Variants in GPR157 observed in about 807,000 individuals in gnomAD.
The protein encoded by GPR157 is G-protein coupled receptor 157.
In GPR157, 16 loss-of-function variants were observed where a neutral mutation model predicts 23.5. The observed-to-expected ratio is 0.68, with a 90% CI of 0.46 to 1.04. The LOEUF is 1.04. Ranked by LOEUF, GPR157 falls within the 50% of genes least tolerant of loss-of-function variation. GPR157 has a pLI of 0.00. For synonymous variants in GPR157, 200 were observed against 221.5 expected (o/e 0.90, Z 0.86); for missense variants, 440 against 460.7 (o/e 0.96, Z 0.41).
intron 1 of GPR157, among the ~76,000 whole-genome samples, chr1:9,114,404 G>A (rs142883001): frequency 8.6e-5 from 13 of 151,064 alleles, no homozygotes; most frequent in African/African-American, 2.9e-4. Context: ...GCTGTTCCTC[G>A]TTACTTTACA....
At chr1:9,123,304 T>A (rs1430886494) in intron 1 of GPR157, among the ~76,000 whole-genome samples, 1 of 51,294 alleles carries the variant, frequency 1.9e-5, no homozygotes, top group East Asian at 3.6e-4. Context: ...ATATATTTAA[T>A]TTAAATATAT....
intron 1 of GPR157, among the ~76,000 whole-genome samples, chr1:9,113,623 T>A (rs1286321225): frequency 1.3e-5 from 2 of 152,016 alleles, no homozygotes; most frequent in African/African-American, 4.8e-5. Flanking sequence ...CATGTCCTGT[T>A]GGAAGTCACA....
chr1:9,127,340 T>A (rs1638981872), intron 1 of GPR157, among the ~76,000 whole-genome samples: 1 of 152,022 alleles, frequency 6.6e-6, no homozygotes, highest in Non-Finnish European at 1.5e-5. Context: ...AAATACTGTA[T>A]TCAATATTTT....
rs887403347 is a variant in GPR157 at position 9,105,256 on chromosome 1, T to C, written c.792+230A>G. On this transcript the variant is annotated intron_variant, in intron 3 of 3. Transcript: ENST00000377411. This position sits in a 1 kb window ranked among gnomAD's most constrained non-coding sequence, Gnocchi z 4.8. ...CAGTCAACTCTCCTAGGGCTACTCC[T>C]AGGTCACTGGTGAGCACCTCACCAC... Among the ~76,000 whole-genome samples the C allele has an allele frequency of 6.6e-6, 1 of 152,078 alleles. No individual in the cohort carries two copies. The highest frequency in any genetic ancestry group is 1.5e-5 in the Non-Finnish European group (1 of 68,002).
chr1:9,128,759 T>G lies in GPR157; in HGVS notation c.269A>C (p.Asn90Thr). 1 of 1,612,718 alleles carries G rather than the reference T, an allele frequency of 6.2e-7. No homozygotes were observed. The highest frequency in any genetic ancestry group is 8.5e-7 in the Non-Finnish European group (1 of 1,179,466). The part of the protein sequence containing the change: ...VLQGALSTFA[N>T]TSSFFWTVAI... ...CACGGTCCAGAAGAAGGAGCTGGTGTTGGCGAAGGTGGACAGCGCGCCCTG... is the reference window on the plus strand; with the variant it reads ...CACGGTCCAGAAGAAGGAGCTGGTGGTGGCGAAGGTGGACAGCGCGCCCTG... The change falls in exon 1 of 4, where the codon AAC becomes ACC. Residue 90 changes from asparagine (N) to threonine (T), a missense_variant. Coordinates refer to ENST00000377411, the MANE Select transcript of GPR157 (RefSeq NM_024980.5). This position sits in a 1 kb window ranked among gnomAD's most constrained non-coding sequence, Gnocchi z 6.3.
chr1:9,121,093 G>A (rs535358787), intron 1 of GPR157, among the ~76,000 whole-genome samples: 86 of 152,340 alleles, frequency 5.6e-4, no homozygotes, highest in African/African-American at 1.6e-3. Flanking sequence ...AGCACTTTGG[G>A]AGGGCGAGGT....
chr1:9,115,825 G>A (rs529398457), intron 1 of GPR157, among the ~76,000 whole-genome samples: 307 of 150,450 alleles, frequency 2.0e-3, no homozygotes, highest in Non-Finnish European at 2.4e-3. Context: ...GGCCAAATCT[G>A]GCCCACAGTT....
At chr1:9,115,206 G>A (rs1334538389) in intron 1 of GPR157, among the ~76,000 whole-genome samples, 2 of 152,064 alleles carry the variant, frequency 1.3e-5, no homozygotes, top group African/African-American at 2.4e-5. Context: ...AAACATAGAC[G>A]TGTGCATGTG....
intron 1 of GPR157, among the ~76,000 whole-genome samples, chr1:9,114,894 C>G: frequency 7.0e-6 from 1 of 142,364 alleles, no homozygotes; most frequent in African/African-American, 2.7e-5. Flanking sequence ...GCACTTCAGC[C>G]TGGGTGACAG....
intron 2 of GPR157, among the ~76,000 whole-genome samples, chr1:9,109,126 A>G (rs1160300029): frequency 8.2e-6 from 1 of 121,886 alleles, no homozygotes; most frequent in African/African-American, 3.2e-5. Flanking sequence ...TCTGTGGCCC[A>G]GGCTAGAGTA....
At chr1:9,123,277 TATATATTTAAATTA>T (rs1557700673) in intron 1 of GPR157, among the ~76,000 whole-genome samples, 1,989 of 25,348 alleles carry the variant, frequency 0.078, 120 homozygotes, top group African/African-American at 0.15. Flanking sequence ...TATATTTAAA[TATATATTTAAATTA>T]ATATATATTT....
chr1:9,113,510 C>T (rs1047011182), intron 1 of GPR157, among the ~76,000 whole-genome samples: 3 of 152,120 alleles, frequency 2.0e-5, no homozygotes, highest in African/African-American at 7.2e-5. Flanking sequence ...GCCAACCATC[C>T]CCTCTGCAGC....
At chr1:9,115,044 A>G (rs978153076) in intron 1 of GPR157, among the ~76,000 whole-genome samples, 5 of 151,886 alleles carry the variant, frequency 3.3e-5, no homozygotes, top group Non-Finnish European at 7.4e-5. Context: ...GGTATTTGAG[A>G]GAGAGGAGGT....
chr1:9,104,480 G>A lies in GPR157; in HGVS notation c.947C>T (p.Pro316Leu). 6.2e-7 allele frequency: 1 copy of A among 1,613,914 alleles called. No homozygotes were observed. The highest frequency in any genetic ancestry group is 8.5e-7 in the Non-Finnish European group (1 of 1,179,986). ...SPAGTPKAPA[P>L]SKPGESQESQ... ...TTCCTGAGATTCTCCTGGCTTGGAA[G>A]GCGCGGGAGCCTTGGGAGTGCCAGC... The change falls in exon 4 of 4, where the codon CCT becomes CTT. Residue 316 changes from proline (P) to leucine (L), a missense_variant. Coordinates refer to ENST00000377411, the MANE Select transcript of GPR157 (RefSeq NM_024980.5).
chr1:9,116,731 A>G (rs549010975), intron 1 of GPR157, among the ~76,000 whole-genome samples: 3 of 110,000 alleles, frequency 2.7e-5, no homozygotes, highest in Admixed American at 9.0e-5. Flanking sequence ...GTGACAGAGG[A>G]AAAAAAAAAA....
intron 1 of GPR157, among the ~76,000 whole-genome samples, chr1:9,112,022 C>A (rs979772866): frequency 1.3e-5 from 2 of 152,176 alleles, no homozygotes; most frequent in African/African-American, 4.8e-5. Flanking sequence ...AGCACAGGGC[C>A]AGGCAGGTGT....
intron 1 of GPR157, among the ~76,000 whole-genome samples, chr1:9,111,705 C>T (rs556117638): frequency 1.8e-4 from 28 of 152,298 alleles, no homozygotes; most frequent in Admixed American, 8.5e-4. Context: ...AATGGAGTGA[C>T]GTGGGACAGC....
chr1:9,127,097 T>C (rs926284983), intron 1 of GPR157, among the ~76,000 whole-genome samples: 1 of 151,978 alleles, frequency 6.6e-6, no homozygotes, highest in Non-Finnish European at 1.5e-5. Flanking sequence ...TGTTGGCCAG[T>C]TGAACTCCTG....
intron 1 of GPR157, among the ~76,000 whole-genome samples, chr1:9,123,192 T>TATAA (rs1389305702): frequency 7.9e-6 from 1 of 127,204 alleles, no homozygotes; most frequent in African/African-American, 3.1e-5. Context: ...TATATATATA[T>TATAA]AAATAAAATT....
Sources: gnomAD v4.1 joint callset for allele counts (sites outside exome capture counted in the v4.1 genomes callset) on GRCh38, gnomAD v4.1.1 for gene constraint, Gnocchi (gnomAD v3.1) non-coding constraint, MANE v1.5 for transcripts, NCBI Gene and HGNC (gene_info 2026-07-23, HGNC 2026-07-21) for gene names.